The following RORA variants were observed in gnomAD, a reference collection of about 807,000 sequenced individuals.
The protein encoded by RORA is nuclear receptor ROR-alpha.
In RORA, 7 loss-of-function variants were observed where a neutral mutation model predicts 69.5. The observed-to-expected ratio is 0.10, with a 90% confidence interval of 0.06 to 0.19. The LOEUF (loss-of-function observed/expected upper bound fraction) is 0.19. RORA is among the 10% of genes least tolerant of loss of function. RORA has a pLI of 1.00. For synonymous variants in RORA, 261 were observed against 240.8 expected, an observed-to-expected ratio of 1.08 and a Z score of -0.78; for missense variants, 457 against 663.0, an observed-to-expected ratio of 0.69 and a Z score of 3.41.
At chr15:61,028,136 G>C (rs1357825810) in intron 1 of RORA, among the ~76,000 whole-genome samples, 1 of 152,106 alleles carries the variant, frequency 6.6e-6, no homozygotes, top group African/African-American at 2.4e-5. Flanking sequence ...CTCTGCTTCT[G>C]GCTCACAATG....
intron 1 of RORA, among the ~76,000 whole-genome samples, chr15:61,081,798 A>G (rs1404822154): frequency 7.0e-6 from 1 of 143,150 alleles, no homozygotes; most frequent in African/African-American, 2.7e-5. Flanking sequence ...ACAGAGCAAG[A>G]CTCTGTCTCA....
intron 1 of RORA, among the ~76,000 whole-genome samples, chr15:60,896,893 G>C (rs1263153693): frequency 6.6e-6 from 1 of 152,110 alleles, no homozygotes; most frequent in Non-Finnish European, 1.5e-5. Context: ...TCTAAGTGGG[G>C]CCTGACACTT....
At chr15:61,027,175 G>A (rs1280617617) in intron 1 of RORA, among the ~76,000 whole-genome samples, 1 of 152,180 alleles carries the variant, frequency 6.6e-6, no homozygotes, top group Admixed American at 6.5e-5. Context: ...ATTTGCATGC[G>A]CCAATAGTAT....
intron 1 of RORA, among the ~76,000 whole-genome samples, chr15:60,692,777 A>T (rs1479961456): frequency 1.3e-5 from 2 of 152,192 alleles, no homozygotes; most frequent in African/African-American, 4.8e-5. Context: ...GAAAACTTTA[A>T]AAAGAGGTTC....
chr15:60,901,987 T>A (rs766306440), intron 1 of RORA, among the ~76,000 whole-genome samples: 15 of 152,210 alleles, frequency 9.9e-5, no homozygotes, highest in Admixed American at 2.0e-4. Context: ...CACTGCAATG[T>A]CCAGGGTGCC....
intron 1 of RORA, among the ~76,000 whole-genome samples, chr15:60,930,398 T>C (rs778687618): frequency 6.6e-6 from 1 of 152,186 alleles, no homozygotes; most frequent in Non-Finnish European, 1.5e-5. Context: ...ATTTCTTAAG[T>C]GCCTTCCATG....
At chr15:60,625,394 A>G (rs1052109064) in intron 2 of RORA, among the ~76,000 whole-genome samples, 1 of 152,218 alleles carries the variant, frequency 6.6e-6, no homozygotes, top group Non-Finnish European at 1.5e-5. Flanking sequence ...ATGAAGGACC[A>G]CTTTGCAACG....
chr15:61,036,883 T>C (rs1896486128), intron 1 of RORA, among the ~76,000 whole-genome samples: 3 of 147,710 alleles, frequency 2.0e-5, no homozygotes, highest in Admixed American at 1.4e-4. Context: ...GAATAAAACA[T>C]GTTGGTGCAG....
At chr15:61,209,773 C>T (rs2079974289) in intron 1 of RORA, among the ~76,000 whole-genome samples, 1 of 152,194 alleles carries the variant, frequency 6.6e-6, no homozygotes, top group Non-Finnish European at 1.5e-5. Flanking sequence ...CACAACATCC[C>T]TTTCTCAGGA....
intron 1 of RORA, among the ~76,000 whole-genome samples, chr15:60,972,883 T>A (rs1893760122): frequency 6.6e-6 from 1 of 152,092 alleles, no homozygotes; most frequent in Non-Finnish European, 1.5e-5. Flanking sequence ...ATTATCATTA[T>A]CCTCTGACCT....
At chr15:60,588,447 T>TCCA (rs1338683212) in intron 2 of RORA, among the ~76,000 whole-genome samples, 1 of 119,386 alleles carries the variant, frequency 8.4e-6, no homozygotes, top group African/African-American at 3.4e-5. Flanking sequence ...TGCAAATCTA[T>TCCA]TCATCCATCC....
chr15:60,618,838 C>T lies in RORA; in HGVS notation c.196+59819G>A, dbSNP rs569277353. Among the ~76,000 whole-genome samples the T allele has an allele frequency of 1.1e-4, 17 of 152,280 alleles. 1 individual carries two copies. Among genetic ancestry groups the T allele is most frequent in the African/African-American group, 3.8e-4 (16 of 41,560 alleles). ...TGCCTTGCCATTTCTCCAAATCTTG[C>T]TAATCTGCTGGGTTTGAAGCTCATG... is the stretch of plus-strand genomic sequence containing the variant. On this transcript the variant is annotated intron_variant, in intron 2 of 10. Transcript: ENST00000335670.
chr15:60,581,821 T>A (rs1299973919), intron 2 of RORA, among the ~76,000 whole-genome samples: 1 of 152,340 alleles, frequency 6.6e-6, no homozygotes, highest in African/African-American at 2.4e-5. Flanking sequence ...ATTAGGAAGT[T>A]AAATGATATT....
At chr15:61,086,463 C>G (rs771791507) in intron 1 of RORA, among the ~76,000 whole-genome samples, 4 of 152,194 alleles carry the variant, frequency 2.6e-5, no homozygotes. Context: ...CTCAGCCCCT[C>G]TACCTGTTTG....
At chr15:61,197,243 G>A (rs918706772) in intron 1 of RORA, among the ~76,000 whole-genome samples, 1 of 152,208 alleles carries the variant, frequency 6.6e-6, no homozygotes, top group South Asian at 2.1e-4. Flanking sequence ...CACTTAGGGG[G>A]CCTAATGTAG....
chr15:60,935,595 G>T (rs943580552), intron 1 of RORA, among the ~76,000 whole-genome samples: 3 of 152,140 alleles, frequency 2.0e-5, no homozygotes, highest in Non-Finnish European at 4.4e-5. Context: ...TCAGGTCATT[G>T]TCGAGAGTCT....
At position 60,714,576 on chromosome 15, in the gene RORA, G is replaced by C. The variant is rs1165710108; in HGVS notation, c.167-35890C>G. On this transcript the variant is annotated intron_variant, in intron 1 of 10. Coordinates refer to ENST00000335670, the MANE Select transcript of RORA (RefSeq NM_134261.3). ...GATGGGGTTTCACCATATTGGCCAG[G>C]CTGGTCTCGAACTCCTGACCTCAGG... Among the ~76,000 whole-genome samples the C allele has an allele frequency of 8.4e-5, 12 of 143,220 alleles. No individual in the cohort carries two copies. In the East Asian group the frequency reaches 8.4e-4, roughly 10 times the overall value. 94.0% of individuals were successfully genotyped at this position (143,220 alleles called of 152,430 possible).
chr15:60,523,562 C>T (rs2066248799), intron 3 of RORA, among the ~76,000 whole-genome samples: 1 of 152,196 alleles, frequency 6.6e-6, no homozygotes, highest in African/African-American at 2.4e-5. Context: ...GAGCCTCATC[C>T]TTGCTGTGTC....
intron 2 of RORA, among the ~76,000 whole-genome samples, chr15:60,611,730 G>T (rs899214541): frequency 3.3e-5 from 5 of 152,160 alleles, no homozygotes; most frequent in Admixed American, 2.6e-4. Flanking sequence ...CTGATGGAGA[G>T]ACCCGCCTTT....
Sources: allele counts gnomAD v4.1 joint callset (sites outside exome capture counted in the v4.1 genomes callset), GRCh38; gene constraint gnomAD v4.1.1; transcripts MANE v1.5; gene names NCBI Gene and HGNC (gene_info 2026-07-23, HGNC 2026-07-21).